Variants in DOCK2 observed in about 807,000 individuals in gnomAD.
The protein encoded by DOCK2 is dedicator of cytokinesis protein 2.
Under a neutral mutation model 248.9 loss-of-function variants are expected in DOCK2, and 87 were observed. The ratio of observed to expected loss-of-function variants is 0.35; its 90% CI spans 0.29 to 0.42. The LOEUF (loss-of-function observed/expected upper bound fraction) is 0.42. DOCK2 is among the 10% of genes least tolerant of loss of function. The pLI is 1.00. For missense variants in DOCK2, 1,747 were observed against 2,300.2 expected (o/e 0.76, Z 4.92); for synonymous variants, 805 against 821.6 (o/e 0.98, Z 0.35).
At chr5:169,658,877 C>T (rs891679852) in intron 2 of DOCK2, among the ~76,000 whole-genome samples, 11 of 151,216 alleles carry the variant, frequency 7.3e-5, no homozygotes, top group Admixed American at 1.3e-4. Context: ...AAAAATAAGG[C>T]AAAAAAAGTA....
At chr5:170,013,592 A>G (rs1369775960) in intron 32 of DOCK2, among the ~76,000 whole-genome samples, 1 of 152,058 alleles carries the variant, frequency 6.6e-6, no homozygotes, top group Non-Finnish European at 1.5e-5. Context: ...AGAGGCTGGA[A>G]AAAGAAGCTG....
intron 27 of DOCK2, among the ~76,000 whole-genome samples, chr5:169,924,075 C>T (rs1304475736): frequency 6.6e-6 from 1 of 152,176 alleles, no homozygotes; most frequent in Non-Finnish European, 1.5e-5. Context: ...TCCTGCCACC[C>T]TCTTCCTCCC....
At chr5:169,898,126 T>C (rs182205112) in intron 27 of DOCK2, among the ~76,000 whole-genome samples, 94 of 152,346 alleles carry the variant, frequency 6.2e-4, no homozygotes, top group African/African-American at 2.1e-3. Flanking sequence ...TCTTCCTTTG[T>C]GTGTCCCAGC....
intron 22 of DOCK2, among the ~76,000 whole-genome samples, chr5:169,746,175 A>C (rs568283786): frequency 5.9e-5 from 9 of 152,274 alleles, no homozygotes; most frequent in African/African-American, 2.2e-4. Flanking sequence ...GAGAGTGATG[A>C]AGTCAGGGGG....
intron 2 of DOCK2, among the ~76,000 whole-genome samples, chr5:169,657,853 A>G (rs527606828): frequency 3.6e-4 from 55 of 152,348 alleles, no homozygotes; most frequent in African/African-American, 1.1e-3. Flanking sequence ...GAGGAATGAA[A>G]TGCCAGATGC....
intron 14 of DOCK2, 126 bp downstream of exon 14, chr5:169,702,553 A>AC: frequency 3.5e-6 from 5 of 1,427,270 alleles, no homozygotes; most frequent in Non-Finnish European, 3.8e-6. Flanking sequence ...GGTGTTGAAT[A>AC]ATGTGTTCAA....
chr5:169,968,645 G>C (rs944453294), intron 27 of DOCK2, among the ~76,000 whole-genome samples: 1 of 152,202 alleles, frequency 6.6e-6, no homozygotes, highest in East Asian at 1.9e-4. Flanking sequence ...CAACTGCAGA[G>C]AGACTGAGTC....
chr5:169,878,413 A>G (rs1772451545), intron 27 of DOCK2, among the ~76,000 whole-genome samples: 1 of 152,248 alleles, frequency 6.6e-6, no homozygotes, highest in Non-Finnish European at 1.5e-5. Context: ...GCAGACCTGC[A>G]TCAATTACAA....
chr5:169,993,571 G>GTT (rs761414592), intron 29 of DOCK2, among the ~76,000 whole-genome samples: 1 of 152,098 alleles, frequency 6.6e-6, no homozygotes, highest in Non-Finnish European at 1.5e-5. Flanking sequence ...GTGTGTGTGT[G>GTT]TGTGTCCAAA....
At chr5:169,641,291 A>G (rs1030127399) in intron 1 of DOCK2, among the ~76,000 whole-genome samples, 3 of 152,166 alleles carry the variant, frequency 2.0e-5, no homozygotes, top group African/African-American at 7.2e-5. Flanking sequence ...CACAATTCAA[A>G]CCATAACAGG....
intron 30 of DOCK2, among the ~76,000 whole-genome samples, chr5:169,997,649 C>T (rs1231517912): frequency 1.3e-5 from 2 of 149,620 alleles, no homozygotes; most frequent in Admixed American, 6.7e-5. Flanking sequence ...CATCTTGCAC[C>T]GCCCTTAATC....
chr5:169,848,398 T>C (rs572757334), intron 27 of DOCK2, among the ~76,000 whole-genome samples: 4 of 152,216 alleles, frequency 2.6e-5, no homozygotes, highest in Non-Finnish European at 5.9e-5. Context: ...CAGGAAGATA[T>C]TGTCCTGTCT....
At chr5:169,698,329 A>T (rs1561611115) in intron 10 of DOCK2, 45 bp from the exon 11 acceptor site, 1 of 1,591,798 alleles carries the variant, frequency 6.3e-7, no homozygotes, top group South Asian at 1.1e-5. Flanking sequence ...CCCTTATGGG[A>T]ACAGGAAGAA....
At chr5:169,912,171 C>T (rs556139518) in intron 27 of DOCK2, among the ~76,000 whole-genome samples, 2 of 152,104 alleles carry the variant, frequency 1.3e-5, no homozygotes. Flanking sequence ...TCTTCTCCTT[C>T]TTTCTTCTTT....
At chr5:169,745,102 G>A (rs1349799299) in intron 22 of DOCK2, among the ~76,000 whole-genome samples, 4 of 152,170 alleles carry the variant, frequency 2.6e-5, no homozygotes, top group Admixed American at 2.6e-4. Context: ...AGACTTCAAG[G>A]CAAAAGGCAT....
chr5:169,946,783 G>A (rs748183853), intron 27 of DOCK2, among the ~76,000 whole-genome samples: 15 of 152,232 alleles, frequency 9.9e-5, no homozygotes, highest in Non-Finnish European at 1.9e-4. Flanking sequence ...CTGTCATTGA[G>A]AGTGACGTGG....
At chr5:169,997,530 G>T (rs1581515194) in intron 30 of DOCK2, among the ~76,000 whole-genome samples, 1 of 135,034 alleles carries the variant, frequency 7.4e-6, no homozygotes, top group East Asian at 2.1e-4. Flanking sequence ...TTCCTAGGCA[G>T]AGGTCCCTGC....
intron 27 of DOCK2, chr5:169,864,513 A>AT: frequency 7.5e-7 from 1 of 1,338,634 alleles, no homozygotes; most frequent in Non-Finnish European, 1.0e-6. Context: ...GCACAGACTG[A>AT]TTAAGCATCT....
intron 40 of DOCK2, among the ~76,000 whole-genome samples, chr5:170,048,511 C>A (rs1165523961): frequency 3.3e-5 from 5 of 152,312 alleles, no homozygotes; most frequent in Admixed American, 2.6e-4. Flanking sequence ...CAGTGAAAAT[C>A]ATGAGATTGC....
Sources: gnomAD v4.1 joint callset for allele counts (sites outside exome capture counted in the v4.1 genomes callset) on GRCh38, gnomAD v4.1.1 for gene constraint, MANE v1.5 for transcripts, NCBI Gene and HGNC (gene_info 2026-07-23, HGNC 2026-07-21) for gene names.